The following RBFOX1 variants were observed in gnomAD, a reference collection of about 807,000 sequenced individuals.
RBFOX1 encodes the protein RNA binding fox-1 homolog 1.
In RBFOX1, 8 loss-of-function variants were observed where a neutral mutation model predicts 57.7. The observed-to-expected ratio is 0.14, with a 90% confidence interval of 0.08 to 0.25. The LOEUF (loss-of-function observed/expected upper bound fraction) is 0.25, where lower values mean the gene tolerates loss of function less well. RBFOX1 is among the 10% of genes least tolerant of loss of function. The probability of loss-of-function intolerance (pLI) is 1.00; values close to 1 mark genes in which losing one functional copy is unlikely to be tolerated. For synonymous variants in RBFOX1, 326 were observed against 222.4 expected (o/e 1.47, Z -4.15); for missense variants, 611 against 548.5 (o/e 1.11, Z -1.14).
chr16:5,402,203 G>C (rs1318436008), intron 1 of RBFOX1, among the ~76,000 whole-genome samples: 2 of 152,058 alleles, frequency 1.3e-5, no homozygotes, highest in East Asian at 3.9e-4. Context: ...TGGGTCACTT[G>C]GCTAAGACAC....
chr16:6,072,590 A>AG (rs1289820018), intron 1 of RBFOX1, among the ~76,000 whole-genome samples: 1 of 150,638 alleles, frequency 6.6e-6, no homozygotes, highest in Non-Finnish European at 1.5e-5. Flanking sequence ...AAAGGGTTCC[A>AG]GTTTTTCCAC....
At chr16:7,062,441 C>T (rs17142080) in intron 4 of RBFOX1, among the ~76,000 whole-genome samples, 3 of 151,822 alleles carry the variant, frequency 2.0e-5, no homozygotes, top group Non-Finnish European at 4.4e-5. Flanking sequence ...GTGGATGAAT[C>T]ATGGGTACAG....
At chr16:7,155,738 TACACACACACAC>T (rs138509367) in intron 4 of RBFOX1, among the ~76,000 whole-genome samples, 3 of 75,528 alleles carry the variant, frequency 4.0e-5, no homozygotes, top group African/African-American at 1.2e-4. Flanking sequence ...TATATATATA[TACACACACACAC>T]ACACACACAC....
intron 1 of RBFOX1, among the ~76,000 whole-genome samples, chr16:6,257,395 A>C (rs553999527): frequency 3.9e-4 from 60 of 152,146 alleles, no homozygotes; most frequent in Non-Finnish European, 6.3e-4. Flanking sequence ...AGCATCAACA[A>C]TATTTGATGT....
At chr16:7,666,694 A>T (rs1167252558) in intron 13 of RBFOX1, among the ~76,000 whole-genome samples, 2 of 152,222 alleles carry the variant, frequency 1.3e-5, no homozygotes, top group Non-Finnish European at 2.9e-5. Context: ...GCATCAGAGA[A>T]TCCACAGAGC....
At chr16:6,479,671 C>T (rs2095339797) in intron 2 of RBFOX1, among the ~76,000 whole-genome samples, 1 of 152,138 alleles carries the variant, frequency 6.6e-6, no homozygotes, top group South Asian at 2.1e-4. Context: ...ATGGAGGAAA[C>T]TGCCCCCATG....
chr16:7,321,243 A>G (rs928401976), intron 4 of RBFOX1, among the ~76,000 whole-genome samples: 1 of 152,016 alleles, frequency 6.6e-6, no homozygotes, highest in South Asian at 2.1e-4. Flanking sequence ...CTCCTGGGTT[A>G]AAGCGATTGT....
At chr16:6,933,606 C>A (rs757633975) in intron 3 of RBFOX1, among the ~76,000 whole-genome samples, 1 of 152,110 alleles carries the variant, frequency 6.6e-6, no homozygotes, top group East Asian at 1.9e-4. Context: ...CCAGCTACTC[C>A]GGAGGCTGAA....
intron 1 of RBFOX1, among the ~76,000 whole-genome samples, chr16:6,048,863 A>G (rs2095521919): frequency 6.6e-6 from 1 of 152,088 alleles, no homozygotes; most frequent in Non-Finnish European, 1.5e-5. Context: ...TCATAAGGGC[A>G]TGGAATATAA....
chr16:6,626,050 C>T (rs887817363), intron 2 of RBFOX1, among the ~76,000 whole-genome samples: 1 of 151,600 alleles, frequency 6.6e-6, no homozygotes, highest in Non-Finnish European at 1.5e-5. Context: ...ATTTAGTTGC[C>T]GATTATAGTG....
At chr16:5,931,902 G>T (rs369591192) in intron 4 of RBFOX1, among the ~76,000 whole-genome samples, 1 of 152,068 alleles carries the variant, frequency 6.6e-6, no homozygotes, top group East Asian at 1.9e-4. Context: ...TGACCTCCTG[G>T]GCTCGAGCAT....
chr16:7,647,995 C>G (rs2064097222), intron 11 of RBFOX1, among the ~76,000 whole-genome samples: 2 of 152,170 alleles, frequency 1.3e-5, no homozygotes, highest in South Asian at 4.1e-4. Context: ...GTAATCATCT[C>G]AAATATACAT....
intron 5 of RBFOX1, among the ~76,000 whole-genome samples, chr16:7,568,112 A>T (rs550803493): frequency 6.6e-5 from 10 of 152,240 alleles, no homozygotes; most frequent in African/African-American, 2.4e-4. Flanking sequence ...GGGTTCTAGG[A>T]TCTCACACAA....
chr16:7,350,881 T>C (rs17842417), intron 4 of RBFOX1, among the ~76,000 whole-genome samples: 30,453 of 152,028 alleles, frequency 0.2, 4,926 homozygotes, highest in African/African-American at 0.45. Context: ...GGGACTGTAG[T>C]ATGTGTGTTT....
chr16:5,677,994 G>C (rs970053031), intron 3 of RBFOX1, among the ~76,000 whole-genome samples: 3 of 152,248 alleles, frequency 2.0e-5, no homozygotes, highest in Non-Finnish European at 2.9e-5. Context: ...GTGGGGCTCT[G>C]TGTGTGTACA....
chr16:7,316,050 T>C (rs2096431391), intron 4 of RBFOX1, among the ~76,000 whole-genome samples: 1 of 152,246 alleles, frequency 6.6e-6, no homozygotes, highest in African/African-American at 2.4e-5. Context: ...TTTATTCTGA[T>C]AGTTCTTCCT....
In RBFOX1 at chr16:5,946,717, C is replaced by G. The variant is rs1305045296; in HGVS notation, c.351+79382C>G. 6.6e-6 allele frequency among the ~76,000 whole-genome samples: 1 copy of G among 152,208 alleles called. No homozygotes were observed. The highest frequency in any genetic ancestry group is 2.4e-5 in the African/African-American group (1 of 41,442). ...TGGTGAGAAGGGAAGTACAGGCTTG[C>G]TCTGAAGTGGGGCCAGTCTTGTGGG... On this transcript the variant is annotated intron_variant, in intron 4 of 19. Coordinates refer to the RBFOX1 transcript ENST00000641259. This position sits in a 1 kb window ranked among gnomAD's most constrained non-coding sequence, Gnocchi z 4.6.
At chr16:6,977,937 GAAA>G (rs1555705863) in intron 3 of RBFOX1, among the ~76,000 whole-genome samples, 2 of 79,464 alleles carry the variant, frequency 2.5e-5, no homozygotes, top group South Asian at 4.0e-4. Context: ...CCTCCCCAGG[GAAA>G]AAAAAAAAAA....
intron 3 of RBFOX1, among the ~76,000 whole-genome samples, chr16:7,041,003 C>A (rs900321991): frequency 1.3e-5 from 2 of 151,804 alleles, no homozygotes; most frequent in African/African-American, 2.4e-5. Context: ...GCAACGTCCA[C>A]CTCCTGGGTT....
Sources: allele counts gnomAD v4.1 joint callset (sites outside exome capture counted in the v4.1 genomes callset), GRCh38; gene constraint gnomAD v4.1.1; non-coding constraint Gnocchi (gnomAD v3.1); transcripts MANE v1.5; gene names NCBI Gene and HGNC (gene_info 2026-07-23, HGNC 2026-07-21).